The following NKAIN2 variants were observed in gnomAD, a reference collection of about 807,000 sequenced individuals.
The protein encoded by NKAIN2 is sodium/potassium transporting ATPase interacting 2.
A neutral mutation model predicts 32.6 loss-of-function variants in NKAIN2; 14 were observed. The observed-to-expected ratio is 0.43, with a 90% CI of 0.28 to 0.67. The LOEUF (loss-of-function observed/expected upper bound fraction) is 0.67. Ranked by LOEUF, NKAIN2 falls within the 30% of genes least tolerant of loss-of-function variation. The probability of loss-of-function intolerance (pLI) is 0.17; values close to 1 mark genes in which losing one functional copy is unlikely to be tolerated. For synonymous variants in NKAIN2, 80 were observed against 87.2 expected (o/e 0.92, Z 0.46); for missense variants, 198 against 258.3 (o/e 0.77, Z 1.60).
chr6:123,875,088 A>C (rs1773110913), intron 1 of NKAIN2, among the ~76,000 whole-genome samples: 1 of 152,026 alleles, frequency 6.6e-6, no homozygotes, highest in South Asian at 2.1e-4. Flanking sequence ...ATACCATAAT[A>C]TATTTGTCCT....
intron 3 of NKAIN2, among the ~76,000 whole-genome samples, chr6:124,463,931 T>C (rs553050061): frequency 6.6e-6 from 1 of 152,232 alleles, no homozygotes; most frequent in African/African-American, 2.4e-5. Flanking sequence ...TTGTAACCTC[T>C]AAAGATAGTA....
Position 124,191,327 on chromosome 6 carries a change from C to CT in NKAIN2, c.55-91670dup, listed in dbSNP as rs201287736. Among the ~76,000 whole-genome samples, 954 of 151,562 alleles carry CT rather than the reference C, an allele frequency of 6.3e-3. 8 individuals carry two copies. Among genetic ancestry groups the CT allele is most frequent in the African/African-American group, 0.021 (884 of 41,370 alleles). Reference sequence around the variant, plus strand: ...GTTTCTGTGTATAGGTCTTGCACATCTTTTTTTTGTTTTTGAATGTATTCA... The same window carrying CT: ...GTTTCTGTGTATAGGTCTTGCACATCTTTTTTTTTGTTTTTGAATGTATTCA... On this transcript the variant is annotated intron_variant, in intron 1 of 6. Transcript: ENST00000368417.
intron 1 of NKAIN2, among the ~76,000 whole-genome samples, chr6:124,255,176 A>G (rs1354710936): frequency 6.6e-6 from 1 of 152,160 alleles, no homozygotes; most frequent in Non-Finnish European, 1.5e-5. Context: ...AAGGAATTGC[A>G]TATTTTAGTG....
intron 3 of NKAIN2, among the ~76,000 whole-genome samples, chr6:124,476,847 C>G (rs548521132): frequency 1.3e-5 from 2 of 152,234 alleles, no homozygotes; most frequent in East Asian, 3.9e-4. Flanking sequence ...CAAGGTCCCA[C>G]AGCATATGAA....
intron 5 of NKAIN2, among the ~76,000 whole-genome samples, chr6:124,804,164 G>A (rs184119589): frequency 2.7e-3 from 416 of 152,204 alleles, no homozygotes; most frequent in Non-Finnish European, 4.6e-3. Flanking sequence ...TCAAGTAGTG[G>A]CATTATGATA....
chr6:124,106,380 G>A (rs989522327), intron 1 of NKAIN2, among the ~76,000 whole-genome samples: 9 of 152,188 alleles, frequency 5.9e-5, no homozygotes, highest in Admixed American at 5.2e-4. Flanking sequence ...TACTGTTAGG[G>A]AAAACACTAT....
intron 3 of NKAIN2, among the ~76,000 whole-genome samples, chr6:124,476,397 CTGTGTGTGTG>C (rs56691516): frequency 0.041 from 5,618 of 137,978 alleles, 108 homozygotes; most frequent in African/African-American, 0.059. Context: ...ATGTATGTGA[CTGTGTGTGTG>C]TGTGTGTGTG....
intron 1 of NKAIN2, among the ~76,000 whole-genome samples, chr6:123,853,964 G>C (rs1052527331): frequency 2.0e-5 from 3 of 151,834 alleles, no homozygotes; most frequent in African/African-American, 7.3e-5. Context: ...GTTGAGACGG[G>C]GTTTCACCAT....
At chr6:124,345,746 T>C (rs1583088930) in intron 2 of NKAIN2, among the ~76,000 whole-genome samples, 2 of 151,876 alleles carry the variant, frequency 1.3e-5, no homozygotes, top group Non-Finnish European at 2.9e-5. Flanking sequence ...TTAGTCTTGC[T>C]AGCGGTCTAT....
chr6:124,176,021 T>C (rs569630702), intron 1 of NKAIN2, among the ~76,000 whole-genome samples: 1 of 152,318 alleles, frequency 6.6e-6, no homozygotes, highest in East Asian at 1.9e-4. Flanking sequence ...TCAGAGATAT[T>C]GTAGTTTAGG....
chr6:124,332,391 C>G (rs570640808), intron 2 of NKAIN2, among the ~76,000 whole-genome samples: 1 of 152,236 alleles, frequency 6.6e-6, no homozygotes, highest in East Asian at 1.9e-4. Context: ...ACACGACACT[C>G]TAATTCAAAG....
intron 1 of NKAIN2, among the ~76,000 whole-genome samples, chr6:123,914,651 A>G (rs1286048367): frequency 6.6e-6 from 1 of 152,140 alleles, no homozygotes; most frequent in African/African-American, 2.4e-5. Flanking sequence ...GTTACCCACT[A>G]GCAAGCTTTA....
At chr6:124,028,736 CGTATATATGTGTATATATACAA>C (rs1781240617) in intron 1 of NKAIN2, among the ~76,000 whole-genome samples, 9 of 142,566 alleles carry the variant, frequency 6.3e-5, no homozygotes, top group African/African-American at 2.5e-4. Context: ...CGTGTATACA[CGTATATATGTGTATATATACAA>C]GTATATAAGT....
intron 1 of NKAIN2, among the ~76,000 whole-genome samples, chr6:123,959,189 C>A (rs767422194): frequency 6.6e-5 from 10 of 152,190 alleles, no homozygotes; most frequent in Non-Finnish European, 1.2e-4. Context: ...GGATAGCATT[C>A]TCCCTTTGGA....
chr6:124,445,333 T>G (rs991123468), intron 3 of NKAIN2, among the ~76,000 whole-genome samples: 2 of 152,118 alleles, frequency 1.3e-5, no homozygotes, highest in African/African-American at 4.8e-5. Context: ...TCATAAAAAT[T>G]AATTTGAAAA....
chr6:124,746,135 G>A (rs1777441912), intron 4 of NKAIN2, among the ~76,000 whole-genome samples: 1 of 151,852 alleles, frequency 6.6e-6, no homozygotes, highest in Admixed American at 6.6e-5. Context: ...TGACAGGTCT[G>A]TCTCAGAGCC....
chr6:124,148,200 G>A (rs1459345137), intron 1 of NKAIN2, among the ~76,000 whole-genome samples: 1 of 151,946 alleles, frequency 6.6e-6, no homozygotes, highest in East Asian at 1.9e-4. Flanking sequence ...TAGCATTAGA[G>A]AGTTTGCACT....
intron 1 of NKAIN2, among the ~76,000 whole-genome samples, chr6:124,081,914 A>G (rs1783983255): frequency 2.0e-5 from 3 of 152,190 alleles, no homozygotes; most frequent in South Asian, 4.1e-4. Flanking sequence ...TTAAAAGTCT[A>G]TCCTCTTCAG....
At chr6:124,384,017 T>A (rs982591806) in intron 3 of NKAIN2, among the ~76,000 whole-genome samples, 1 of 152,214 alleles carries the variant, frequency 6.6e-6, no homozygotes, top group African/African-American at 2.4e-5. Flanking sequence ...TTCTTAGCTA[T>A]GGGCTCATAT....
Sources: allele counts gnomAD v4.1 joint callset (sites outside exome capture counted in the v4.1 genomes callset), GRCh38; gene constraint gnomAD v4.1.1; transcripts MANE v1.5; gene names NCBI Gene and HGNC (gene_info 2026-07-23, HGNC 2026-07-21).